Variants in SEMA3E observed in about 807,000 individuals in gnomAD.
The protein encoded by SEMA3E is semaphorin-3E.
SEMA3E carries 49 observed loss-of-function variants against 93.6 expected under a neutral mutation model. That is an observed-to-expected ratio of 0.52 (90% CI 0.42 to 0.66). The LOEUF is 0.66. Among genes scored for constraint, SEMA3E ranks in the 30% least tolerant of loss-of-function variants. The pLI, the probability that SEMA3E is intolerant of heterozygous loss-of-function variation, is 0.00. For synonymous variants in SEMA3E, 363 were observed against 330.7 expected, an observed-to-expected ratio of 1.10 and a Z score of -1.06; for missense variants, 906 against 964.8, an observed-to-expected ratio of 0.94 and a Z score of 0.81.
intron 2 of SEMA3E, among the ~76,000 whole-genome samples, chr7:83,469,692 G>A (rs1222810594): frequency 6.6e-6 from 1 of 151,910 alleles, no homozygotes; most frequent in Non-Finnish European, 1.5e-5. Context: ...CTCTCCTAAT[G>A]TTTGCTGCAT....
intron 5 of SEMA3E, among the ~76,000 whole-genome samples, chr7:83,411,640 T>A (rs987688032): frequency 6.6e-6 from 1 of 152,086 alleles, no homozygotes; most frequent in African/African-American, 2.4e-5. Flanking sequence ...ATACTGGGCA[T>A]TATTAAAATT....
intron 1 of SEMA3E, among the ~76,000 whole-genome samples, chr7:83,533,147 T>C (rs1418584649): frequency 2.6e-5 from 4 of 152,104 alleles, no homozygotes; most frequent in African/African-American, 9.7e-5. Context: ...TACCTAAATT[T>C]CCTTAGGGTA....
chr7:83,551,325 A>T (rs1301564528), intron 1 of SEMA3E, among the ~76,000 whole-genome samples: 2 of 152,176 alleles, frequency 1.3e-5, no homozygotes, highest in Admixed American at 1.3e-4. Flanking sequence ...GCTACTCTCA[A>T]CAGTGTGAAA....
intron 1 of SEMA3E, among the ~76,000 whole-genome samples, chr7:83,618,938 C>G (rs977511180): frequency 6.6e-6 from 1 of 151,902 alleles, no homozygotes; most frequent in South Asian, 2.1e-4. Context: ...TATATGTGTA[C>G]TGTATACACA....
intron 2 of SEMA3E, among the ~76,000 whole-genome samples, chr7:83,471,300 AAC>A (rs1219847541): frequency 1.5e-5 from 2 of 130,212 alleles, no homozygotes; most frequent in Admixed American, 1.7e-4. Context: ...ATCTCTACAT[AAC>A]ACTATAGTAA....
At chr7:83,616,733 T>A in intron 1 of SEMA3E, 1 of 454,998 alleles carries the variant, frequency 2.2e-6, no homozygotes. Flanking sequence ...CTTTCTTTTT[T>A]TTTTTTTTGA....
In SEMA3E at chr7:83,385,280, C is replaced by G. The variant is rs776265763; in HGVS notation, c.1875+14G>C. On this transcript the variant is annotated intron_variant, in intron 16 of 16. Transcript: ENST00000643230. ...TGCAAAATACTATGTTTTGAATATG[C>G]AGCTATGAATTACCTCCTCTTTTCT... 1 of 1,612,532 alleles carries G rather than the reference C, an allele frequency of 6.2e-7. No individual in the cohort carries two copies. The highest frequency in any genetic ancestry group is 1.1e-5 in the South Asian group (1 of 91,016).
At chr7:83,431,786 C>T (rs1340239141) in intron 4 of SEMA3E, among the ~76,000 whole-genome samples, 1 of 152,136 alleles carries the variant, frequency 6.6e-6, no homozygotes, top group Non-Finnish European at 1.5e-5. Context: ...ATAATAAAGA[C>T]CATATAGGTG....
intron 1 of SEMA3E, among the ~76,000 whole-genome samples, chr7:83,602,411 C>T (rs556358095): frequency 2.6e-5 from 4 of 152,274 alleles, no homozygotes; most frequent in South Asian, 2.1e-4. Context: ...CCTATCTCCA[C>T]GGCCCTCCCC....
At position 83,611,449 on chromosome 7, in the gene SEMA3E, T is replaced by C. The variant is rs1436981227; in HGVS notation, c.115+36979A>G. 2.0e-5 allele frequency among the ~76,000 whole-genome samples: 3 copies of C among 148,286 alleles called. No homozygotes were observed. In the East Asian group the frequency reaches 5.9e-4, roughly 29 times the overall value. ...TGATATATATTATGCTATAGGTCAC[T>C]CATCTTCAACCATTATCCCCCTTGA... On this transcript the variant is annotated intron_variant, in intron 1 of 16. Coordinates refer to ENST00000643230, the MANE Select transcript of SEMA3E (RefSeq NM_012431.3).
At chr7:83,495,400 C>T (rs1160867206) in intron 1 of SEMA3E, among the ~76,000 whole-genome samples, 1 of 151,746 alleles carries the variant, frequency 6.6e-6, no homozygotes, top group Non-Finnish European at 1.5e-5. Flanking sequence ...ATGAGATTTT[C>T]ATCTATCTCA....
intron 4 of SEMA3E, among the ~76,000 whole-genome samples, chr7:83,448,056 T>C (rs1346517527): frequency 1.3e-5 from 2 of 152,236 alleles, no homozygotes; most frequent in Non-Finnish European, 2.9e-5. Flanking sequence ...AAATTAGAGT[T>C]GACTTATATT....
At chr7:83,644,262 GT>G (rs1794051992) in intron 1 of SEMA3E, among the ~76,000 whole-genome samples, 2 of 151,692 alleles carry the variant, frequency 1.3e-5, no homozygotes, top group African/African-American at 4.8e-5. Flanking sequence ...CATCTTCTGA[GT>G]TATTATAACT....
chr7:83,435,603 T>G (rs949555773), intron 4 of SEMA3E, among the ~76,000 whole-genome samples: 1 of 151,420 alleles, frequency 6.6e-6, no homozygotes, highest in Non-Finnish European at 1.5e-5. Context: ...CCAAAAAAAA[T>G]AAAATAAATA....
chr7:83,512,463 C>T (rs1479636169), intron 1 of SEMA3E, among the ~76,000 whole-genome samples: 2 of 152,090 alleles, frequency 1.3e-5, no homozygotes, highest in African/African-American at 4.8e-5. Context: ...TTACTGTGTG[C>T]ATACATGCTG....
intron 1 of SEMA3E, among the ~76,000 whole-genome samples, chr7:83,569,788 C>T (rs1205669942): frequency 6.6e-6 from 1 of 152,130 alleles, no homozygotes; most frequent in African/African-American, 2.4e-5. Context: ...ACTTCAACAC[C>T]CCAGTGACAG....
At chr7:83,513,704 A>G (rs879489132) in intron 1 of SEMA3E, among the ~76,000 whole-genome samples, 1 of 152,224 alleles carries the variant, frequency 6.6e-6, no homozygotes, top group Admixed American at 6.5e-5. Flanking sequence ...TAATTTCCGT[A>G]TGTAATTTTA....
chr7:83,629,638 C>A (rs1458461515), intron 1 of SEMA3E, among the ~76,000 whole-genome samples: 1 of 152,120 alleles, frequency 6.6e-6, no homozygotes, highest in East Asian at 1.9e-4. Flanking sequence ...AGACGCCCCT[C>A]CCCCCAAGCT....
At chr7:83,520,090 C>A (rs1791013693) in intron 1 of SEMA3E, among the ~76,000 whole-genome samples, 1 of 152,098 alleles carries the variant, frequency 6.6e-6, no homozygotes, top group South Asian at 2.1e-4. Flanking sequence ...ATTGGCCCTG[C>A]TAGGGTGGTA....
Sources: gnomAD v4.1 joint callset for allele counts (sites outside exome capture counted in the v4.1 genomes callset) on GRCh38, gnomAD v4.1.1 for gene constraint, MANE v1.5 for transcripts, NCBI Gene and HGNC (gene_info 2026-07-23, HGNC 2026-07-21) for gene names.